SEMA3A: variants seen among roughly 807,000 people sequenced by gnomAD.
The protein encoded by SEMA3A is semaphorin 3A.
In SEMA3A, 29 loss-of-function variants were observed where a neutral mutation model predicts 97.9. That is an observed-to-expected ratio of 0.30 (90% confidence interval 0.22 to 0.40). The LOEUF is 0.40. Ranked by LOEUF, SEMA3A falls within the 10% of genes least tolerant of loss-of-function variation. SEMA3A has a pLI of 1.00. For missense variants in SEMA3A, 763 were observed against 951.3 expected (o/e 0.80, Z 2.60); for synonymous variants, 321 against 323.7 (o/e 0.99, Z 0.09).
In SEMA3A at chr7:84,063,401, G is replaced by A. The variant is rs572883023; in HGVS notation, c.454-2843C>T. On this transcript the variant is annotated intron_variant, in intron 4 of 16. Transcript: ENST00000265362. ...AGGAACGCAGTTCCTCACCAGCAAC[G>A]GAACAAAGCTGGATGGAGAATGACT... 7.2e-3 allele frequency among the ~76,000 whole-genome samples: 1,086 copies of A among 151,178 alleles called. 14 individuals are homozygous for A. The highest frequency in any genetic ancestry group is 0.025 in the African/African-American group (1,015 of 41,088).
chr7:84,378,549 G>T (rs1803168450), intron 1 of SEMA3A, among the ~76,000 whole-genome samples: 1 of 152,024 alleles, frequency 6.6e-6, no homozygotes, highest in African/African-American at 2.4e-5. Context: ...CACACACTGG[G>T]GCCTTTCGGG....
chr7:84,065,116 C>T (rs1454191701), intron 4 of SEMA3A, among the ~76,000 whole-genome samples: 1 of 141,198 alleles, frequency 7.1e-6, no homozygotes, highest in Non-Finnish European at 1.5e-5. Flanking sequence ...TTAAGAATCT[C>T]ACTCAAAACC....
At chr7:84,063,980 A>C (rs1793368103) in intron 4 of SEMA3A, among the ~76,000 whole-genome samples, 1 of 151,092 alleles carries the variant, frequency 6.6e-6, no homozygotes, top group Non-Finnish European at 1.5e-5. Context: ...GATTCACCAA[A>C]GTTGAAATGA....
At chr7:83,983,941 A>G (rs1045085620) in intron 13 of SEMA3A, among the ~76,000 whole-genome samples, 1 of 152,190 alleles carries the variant, frequency 6.6e-6, no homozygotes. Flanking sequence ...GCCCATAAGC[A>G]TGAATGAAAT....
intron 3 of SEMA3A, among the ~76,000 whole-genome samples, chr7:84,286,090 G>A (rs1225975506): frequency 6.6e-6 from 1 of 151,752 alleles, no homozygotes; most frequent in Non-Finnish European, 1.5e-5. Flanking sequence ...TTCCACTGAA[G>A]TCTTGACAGG....
At chr7:84,319,201 T>C (rs972336824) in intron 2 of SEMA3A, among the ~76,000 whole-genome samples, 3 of 152,156 alleles carry the variant, frequency 2.0e-5, no homozygotes, top group African/African-American at 4.8e-5. Context: ...TTCGACCTGA[T>C]TGAAAAGATT....
At chr7:84,182,551 A>G (rs1289183310) in intron 1 of SEMA3A, among the ~76,000 whole-genome samples, 2 of 152,136 alleles carry the variant, frequency 1.3e-5, no homozygotes, top group African/African-American at 4.8e-5. Context: ...AGCCTGTCTC[A>G]GTAAGTACTC....
At chr7:84,376,418 C>A (rs986248997) in intron 1 of SEMA3A, among the ~76,000 whole-genome samples, 1 of 144,478 alleles carries the variant, frequency 6.9e-6, no homozygotes, top group Non-Finnish European at 1.5e-5. Flanking sequence ...CTGGCTAACA[C>A]AGTGAAACCC....
At chr7:84,322,436 T>C (rs1214144612) in intron 2 of SEMA3A, among the ~76,000 whole-genome samples, 1 of 151,896 alleles carries the variant, frequency 6.6e-6, no homozygotes, top group Non-Finnish European at 1.5e-5. Flanking sequence ...ATTGTAATAA[T>C]CCCCATGTGT....
At chr7:83,998,206 A>AT (rs1452119111) in intron 12 of SEMA3A, among the ~76,000 whole-genome samples, 1 of 152,020 alleles carries the variant, frequency 6.6e-6, no homozygotes, top group African/African-American at 2.4e-5. Context: ...TCATTATGTG[A>AT]TTTTGTCATT....
intron 1 of SEMA3A, among the ~76,000 whole-genome samples, chr7:84,385,185 A>G (rs560417237): frequency 6.2e-4 from 95 of 152,212 alleles, no homozygotes; most frequent in African/African-American, 2.2e-3. Context: ...TCACTAGTCC[A>G]TAGACGTTTT....
chr7:84,275,252 A>G (rs1800265093), intron 3 of SEMA3A, among the ~76,000 whole-genome samples: 1 of 152,110 alleles, frequency 6.6e-6, no homozygotes, highest in Admixed American at 6.6e-5. Flanking sequence ...AAGAGATGAT[A>G]TATACTCTCT....
intron 1 of SEMA3A, among the ~76,000 whole-genome samples, chr7:84,460,059 A>C (rs1664440938): frequency 6.6e-6 from 1 of 152,140 alleles, no homozygotes; most frequent in African/African-American, 2.4e-5. Flanking sequence ...AAAAAACCTA[A>C]TTCTTATTAC....
intron 3 of SEMA3A, among the ~76,000 whole-genome samples, chr7:84,219,590 A>C (rs549598542): frequency 6.6e-6 from 1 of 152,340 alleles, no homozygotes; most frequent in African/African-American, 2.4e-5. Context: ...TGTCAACTAT[A>C]CTGCGGTCTA....
intron 1 of SEMA3A, among the ~76,000 whole-genome samples, chr7:84,187,691 T>C (rs1220266085): frequency 6.6e-6 from 1 of 152,180 alleles, no homozygotes; most frequent in Non-Finnish European, 1.5e-5. Flanking sequence ...AATTCATTTA[T>C]AATGAATTGA....
chr7:84,459,839 G>A (rs1805778312), intron 1 of SEMA3A, among the ~76,000 whole-genome samples: 1 of 151,976 alleles, frequency 6.6e-6, no homozygotes, highest in Non-Finnish European at 1.5e-5. Flanking sequence ...AAGAGCCTGG[G>A]CAACATGGCA....
At chr7:84,447,538 C>A (rs1357385766) in intron 1 of SEMA3A, among the ~76,000 whole-genome samples, 1 of 152,164 alleles carries the variant, frequency 6.6e-6, no homozygotes, top group African/African-American at 2.4e-5. Context: ...TAGACTCAAA[C>A]AGACGTCAGA....
chr7:84,347,742 C>A (rs1802336974), intron 2 of SEMA3A, among the ~76,000 whole-genome samples: 1 of 151,986 alleles, frequency 6.6e-6, no homozygotes, highest in African/African-American at 2.4e-5. Flanking sequence ...AAGAAGACAG[C>A]CACAACAGAA....
At chr7:84,378,001 G>A (rs533959999) in intron 1 of SEMA3A, among the ~76,000 whole-genome samples, 10 of 151,986 alleles carry the variant, frequency 6.6e-5, no homozygotes, top group East Asian at 1.9e-4. Flanking sequence ...TTGTCCCCTC[G>A]GGTTCATCTG....
Sources: gnomAD v4.1 joint callset for allele counts (sites outside exome capture counted in the v4.1 genomes callset) on GRCh38, gnomAD v4.1.1 for gene constraint, MANE v1.5 for transcripts, NCBI Gene and HGNC (gene_info 2026-07-23, HGNC 2026-07-21) for gene names.